RGL2: variants seen among roughly 807,000 people sequenced by gnomAD.
RGL2 encodes the protein ral guanine nucleotide dissociation stimulator-like 2.
RGL2 carries 40 observed loss-of-function variants against 84.6 expected under a neutral mutation model. The observed-to-expected ratio is 0.47, with a 90% confidence interval of 0.37 to 0.62. The LOEUF (loss-of-function observed/expected upper bound fraction) is 0.62. Ranked by LOEUF, RGL2 falls within the 20% of genes least tolerant of loss-of-function variation. The pLI, the probability that RGL2 is intolerant of heterozygous loss-of-function variation, is 0.00. For missense variants in RGL2, 865 were observed against 1,019.7 expected, an observed-to-expected ratio of 0.85 and a Z score of 2.07; for synonymous variants, 369 against 417.3, an observed-to-expected ratio of 0.88 and a Z score of 1.41.
At position 33,296,239 on chromosome 6, in the gene RGL2, T is replaced by C. The variant is rs1767942457; in HGVS notation, c.557A>G (p.Glu186Gly). 3 of 1,613,834 alleles carry C rather than the reference T, an allele frequency of 1.9e-6. No individual in the cohort carries two copies. The highest frequency in any genetic ancestry group is 1.3e-5 in the African/African-American group (1 of 74,924). The stretch of plus-strand genomic sequence containing the variant: ...ATACCCTGTCTGAAGTAAGAAGCTC[T>C]CAAGCCGGTCAAGCTGACCCTTGGC... ...SEAKGQLDRL[E>G]SFLLQTGYAA... Residue 186 changes from glutamate (E) to glycine (G), a missense_variant, in exon 6 of 18, where the codon GAG becomes GGG. Glu to Gly is a moderately conservative substitution (Grantham distance 98). Transcript: ENST00000497454. The surrounding 1 kb of genome is among the most constrained non-coding windows in gnomAD (Gnocchi z 5.0).
Position 33,292,524 on chromosome 6 carries a change from A to G in RGL2, c.2028T>C (p.Ala676=), listed in dbSNP as rs142079539. The part of the protein sequence containing the change: ...KSILVTSQDK[A]PSVISRVLKK... ...TAAGGACACGACTGATGACACTTGG[A>G]GCCTTGTCCTGGCTTGTCACCTGGC... The change falls in exon 17 of 18, where the codon GCT becomes GCC. Residue 676 remains alanine (A), a synonymous_variant. Coordinates refer to ENST00000497454, the MANE Select transcript of RGL2 (RefSeq NM_004761.5). The G allele has an allele frequency of 6.2e-7, 1 of 1,613,970 alleles. No individual in the cohort carries two copies. Among genetic ancestry groups the G allele is most frequent in the Non-Finnish European group, 8.5e-7 (1 of 1,179,998 alleles).
rs370758511 is a variant in RGL2 at position 33,294,757 on chromosome 6, C to T, written c.1284G>A (p.Val428=). Residue 428 remains valine (V), a synonymous_variant, in exon 11 of 18, where the codon GTG becomes GTA. Coordinates refer to ENST00000497454, the MANE Select transcript of RGL2 (RefSeq NM_004761.5). The surrounding 1 kb of genome is among the most constrained non-coding windows in gnomAD (Gnocchi z 5.0). ...TCAGGAAGGTGCCAAGGTATGGGAC[C>T]ACACCCTGAAGTCAGGGGTCAGGGT... ...APRSGSRGGG[V]VPYLGTFLKD... is the part of the protein sequence containing the mutation. 3.0e-5 allele frequency: 49 copies of T among 1,613,996 alleles called. 1 individual carries two copies. In the South Asian group the frequency reaches 3.8e-4, roughly 13 times the overall value.
rs1401662713 is a variant in RGL2 at position 33,293,356 on chromosome 6, A to T, written c.1717-50T>A. The T allele has an allele frequency of 6.3e-7, 1 of 1,583,516 alleles. No homozygotes were observed. Among genetic ancestry groups the T allele is most frequent in the Non-Finnish European group, 8.6e-7 (1 of 1,166,252 alleles). On this transcript the variant is annotated intron_variant, in intron 15 of 17. Coordinates refer to ENST00000497454, the MANE Select transcript of RGL2 (RefSeq NM_004761.5). This position sits in a 1 kb window ranked among gnomAD's most constrained non-coding sequence, Gnocchi z 7.0. The stretch of plus-strand genomic sequence containing the variant: ...GCATGAAGGCAGGGAGGTTTAAGGA[A>T]GAAACATTTACAGAGTGAGGGTCAG...
In RGL2 at chr6:33,295,873, G is replaced by A; in HGVS notation, c.769-114C>T. On this transcript the variant is annotated intron_variant, in intron 6 of 17. Transcript: ENST00000497454. The surrounding 1 kb of genome is among the most constrained non-coding windows in gnomAD (Gnocchi z 7.2). The stretch of plus-strand genomic sequence containing the variant: ...GAACCAGAGGGGCACAGGGTTTGAA[G>A]GGTAACGACCAAAGGGAAAAGGGGA... 6.9e-7 allele frequency: 1 copy of A among 1,453,300 alleles called. No homozygotes were observed. The highest frequency in any genetic ancestry group is 9.5e-7 in the Non-Finnish European group (1 of 1,057,484). The allele number at this position is 1,453,300 out of a possible 1,614,324, so 90.0% of individuals were successfully genotyped here.
In RGL2 at chr6:33,293,342, G is replaced by A; in HGVS notation, c.1717-36C>T. On this transcript the variant is annotated intron_variant, in intron 15 of 17. Coordinates refer to ENST00000497454, the MANE Select transcript of RGL2 (RefSeq NM_004761.5). The surrounding 1 kb of genome is among the most constrained non-coding windows in gnomAD (Gnocchi z 7.0). Reference sequence around the variant, plus strand: ...ACAACATGGGACTGGCATGAAGGCAGGGAGGTTTAAGGAAGAAACATTTAC... The same window carrying A: ...ACAACATGGGACTGGCATGAAGGCAAGGAGGTTTAAGGAAGAAACATTTAC... 1 of 1,574,404 alleles carries A rather than the reference G, an allele frequency of 6.4e-7. No individual in the cohort carries two copies. Among genetic ancestry groups the A allele is most frequent in the Non-Finnish European group, 8.6e-7 (1 of 1,161,504 alleles).
rs2150931574 is a variant in RGL2 at position 33,293,803 on chromosome 6, C to T, written c.1500G>A (p.Glu500=). ...CCTCACCCGCCAGTCACCTCTGAGC[C>T]TCTGTCAGTGGCCGGAGCCCCTGTA... ...RWLQGLRPLT[E]AQSHRVSCEV... Residue 500 remains glutamate, a synonymous_variant, in exon 13 of 18, where the codon GAG becomes GAA. Transcript: ENST00000497454. This position sits in a 1 kb window ranked among gnomAD's most constrained non-coding sequence, Gnocchi z 7.0. The T allele has an allele frequency of 1.2e-6, 2 of 1,614,168 alleles. No individual in the cohort carries two copies. Among genetic ancestry groups the T allele is most frequent in the East Asian group, 4.5e-5 (2 of 44,886 alleles).
chr6:33,296,403 G>A lies in RGL2; in HGVS notation c.470+11C>T, dbSNP rs1360447986. On this transcript the variant is annotated intron_variant, in intron 5 of 17. Transcript: ENST00000497454. This position sits in a 1 kb window ranked among gnomAD's most constrained non-coding sequence, Gnocchi z 5.0. ...AGGGGACTGTGAGATTAAGAACCAG[G>A]GGTCACTCACTCTGTTGTCCTCTCT... The A allele has an allele frequency of 1.2e-6, 2 of 1,610,196 alleles. No homozygotes were observed. Among genetic ancestry groups the A allele is most frequent in the East Asian group, 2.2e-5 (1 of 44,868 alleles).
rs1252666306 is a variant in RGL2 at position 33,293,535 on chromosome 6, A to G, written c.1605-11T>C. The G allele has an allele frequency of 6.2e-7, 1 of 1,613,290 alleles. No individual in the cohort carries two copies. The highest frequency in any genetic ancestry group is 1.1e-5 in the South Asian group (1 of 90,980). ...ACAGAGCCCAAAACCCTGCAGTGGC[A>G]GGAGATTGGGAGGATCAGAGAAAAG... On this transcript the variant is annotated splice_polypyrimidine_tract_variant and intron_variant, in intron 14 of 17. Transcript: ENST00000497454. The surrounding 1 kb of genome is among the most constrained non-coding windows in gnomAD (Gnocchi z 7.0).
Position 33,292,518 on chromosome 6 carries a change from A to C in RGL2, c.2034T>G (p.Ser678Arg). The C allele has an allele frequency of 1.2e-6, 2 of 1,614,152 alleles. No homozygotes were observed. The highest frequency in any genetic ancestry group is 1.7e-6 in the Non-Finnish European group (2 of 1,180,006). The change falls in exon 17 of 18, where the codon AGT (serine) becomes AGG (arginine). Residue 678 changes from serine to arginine, a missense_variant. Ser to Arg is a moderately radical substitution (Grantham distance 110). Coordinates refer to ENST00000497454, the MANE Select transcript of RGL2 (RefSeq NM_004761.5). Reference protein sequence around the residue: ...ILVTSQDKAPSVISRVLKKNN... With the variant: ...ILVTSQDKAPRVISRVLKKNN... ...TTTTCTTAAGGACACGACTGATGACACTTGGAGCCTTGTCCTGGCTTGTCA... is the reference window on the plus strand; with the variant it reads ...TTTTCTTAAGGACACGACTGATGACCCTTGGAGCCTTGTCCTGGCTTGTCA...
At position 33,298,659 on chromosome 6, in the gene RGL2, G is replaced by T; in HGVS notation, c.-41-8C>A. Reference sequence around the variant, plus strand: ...GTCGGGCCATGGGGGCGCCTGGGGAGAGACGGGGTGGGGTGGGGGTGGAGA... The same window carrying T: ...GTCGGGCCATGGGGGCGCCTGGGGATAGACGGGGTGGGGTGGGGGTGGAGA... On this transcript the variant is annotated splice_polypyrimidine_tract_variant and splice_region_variant and intron_variant, in intron 1 of 17. Coordinates refer to ENST00000497454, the MANE Select transcript of RGL2 (RefSeq NM_004761.5). This position sits in a 1 kb window ranked among gnomAD's most constrained non-coding sequence, Gnocchi z 4.8. The T allele has an allele frequency of 1.7e-6, 2 of 1,155,042 alleles. No individual in the cohort carries two copies. The highest frequency in any genetic ancestry group is 2.3e-6 in the Non-Finnish European group (2 of 855,606). The allele number at this position is 1,155,042 out of a possible 1,614,324, so 71.5% of individuals were successfully genotyped here.
At position 33,297,371 on chromosome 6, in the gene RGL2, G is replaced by T; in HGVS notation, c.157-256C>A. 2.2e-6 allele frequency: 1 copy of T among 448,484 alleles called. No individual in the cohort carries two copies. The highest frequency in any genetic ancestry group is 5.5e-5 in the South Asian group (1 of 18,190). 27.8% of individuals were successfully genotyped at this position (448,484 alleles called of 1,614,324 possible). On this transcript the variant is annotated intron_variant, in intron 2 of 17. Transcript: ENST00000497454. The surrounding 1 kb of genome is among the most constrained non-coding windows in gnomAD (Gnocchi z 4.0). ...GCAGTGGAGGCGTGGATGGAGTACA[G>T]GAATTCTGATCCTGGAGACCCCCAA... is the stretch of plus-strand genomic sequence containing the variant.
Position 33,292,409 on chromosome 6 carries a change from CTTT to C in RGL2, c.2122+18_2122+20del, listed in dbSNP as rs149708654. The C allele has an allele frequency of 0.16, 250,508 of 1,612,354 alleles. 20,950 individuals carry two copies. Among genetic ancestry groups the C allele is most frequent in the South Asian group, 0.23 (20,549 of 91,032 alleles). On this transcript the variant is annotated intron_variant, in intron 17 of 17. Coordinates refer to ENST00000497454, the MANE Select transcript of RGL2 (RefSeq NM_004761.5). ...TACTCCACTCTCCTCCCGAGTCTGCCTTTCCCTCATGGCCTCTGACCTCGCTCC... is the reference window on the plus strand; with the variant it reads ...TACTCCACTCTCCTCCCGAGTCTGCCCCCTCATGGCCTCTGACCTCGCTCC...
upstream of RGL2, chr6:33,298,997 T>C: frequency 6.2e-6 from 1 of 161,088 alleles, no homozygotes; most frequent in South Asian, 1.9e-4. The surrounding 1 kb of genome is among the most constrained non-coding windows in gnomAD (Gnocchi z 4.8). Context: ...TCCTGGGCCC[T>C]CCCGCCCTTT....
Position 33,294,941 on chromosome 6 carries a change from ACCACCC to A in RGL2, c.1278+30_1278+35del. ...ACATACTCCTCACCCCTTCATAATC[ACCACCC>A]CCACGCCCACCACCCCGCTAGTCAC... On this transcript the variant is annotated intron_variant, in intron 10 of 17. Coordinates refer to ENST00000497454, the MANE Select transcript of RGL2 (RefSeq NM_004761.5). This position sits in a 1 kb window ranked among gnomAD's most constrained non-coding sequence, Gnocchi z 5.0. 6.5e-7 allele frequency: 1 copy of A among 1,546,760 alleles called. No homozygotes were observed. Among genetic ancestry groups the A allele is most frequent in the Non-Finnish European group, 8.7e-7 (1 of 1,145,288 alleles).
chr6:33,294,192 G>T lies in RGL2; in HGVS notation c.1354-126C>A. The T allele has an allele frequency of 8.7e-7, 1 of 1,147,276 alleles. No individual in the cohort carries two copies. Among genetic ancestry groups the T allele is most frequent in the South Asian group, 1.4e-5 (1 of 69,062 alleles). The allele number at this position is 1,147,276 out of a possible 1,614,324, so 71.1% of individuals were successfully genotyped here. On this transcript the variant is annotated intron_variant, in intron 11 of 17. Transcript: ENST00000497454. The surrounding 1 kb of genome is among the most constrained non-coding windows in gnomAD (Gnocchi z 5.0). ...ACAACCACTTCCCTCCAGCCTCTCT[G>T]ACTCTTCGATCCCTCCCTGCCTTCC...
In RGL2 at chr6:33,298,863, C is replaced by T; in HGVS notation, c.-42+7G>A. On this transcript the variant is annotated splice_region_variant and intron_variant, in intron 1 of 17. Coordinates refer to ENST00000497454, the MANE Select transcript of RGL2 (RefSeq NM_004761.5). This position sits in a 1 kb window ranked among gnomAD's most constrained non-coding sequence, Gnocchi z 4.8. ...TACGGGGACGCGCAGGGTGCTCAGGCTCTGACCTGCTCGGGAGGGGTGGGG... is the reference window on the plus strand; with the variant it reads ...TACGGGGACGCGCAGGGTGCTCAGGTTCTGACCTGCTCGGGAGGGGTGGGG... 1 of 368,126 alleles carries T rather than the reference C, an allele frequency of 2.7e-6. No individual in the cohort carries two copies. The highest frequency in any genetic ancestry group is 4.6e-5 in the Admixed American group (1 of 21,620). 22.8% of individuals were successfully genotyped at this position (368,126 alleles called of 1,614,324 possible). A position where few individuals can be genotyped will look rare whatever the true frequency, so the allele number is the denominator to read the frequency against.
chr6:33,300,264 C>T (rs1768450935), upstream of RGL2: 1 of 153,754 alleles, frequency 6.5e-6, no homozygotes, highest in Non-Finnish European at 1.5e-5. Flanking sequence ...TGGATTTGGC[C>T]CTAGAGTACG....
Position 33,296,817 on chromosome 6 carries a change from C to G in RGL2, c.241-41G>C. On this transcript the variant is annotated intron_variant, in intron 3 of 17. Coordinates refer to ENST00000497454, the MANE Select transcript of RGL2 (RefSeq NM_004761.5). The surrounding 1 kb of genome is among the most constrained non-coding windows in gnomAD (Gnocchi z 5.0). ...AGATGATCGCTAACCCTTTCTCCCA[C>G]TCTGCACCTAGATTTCTGAGGACAA... The G allele has an allele frequency of 6.2e-7, 1 of 1,611,532 alleles. No individual in the cohort carries two copies. Among genetic ancestry groups the G allele is most frequent in the Non-Finnish European group, 8.5e-7 (1 of 1,177,774 alleles).
Position 33,291,889 on chromosome 6 carries a change from T to C in RGL2, c.*213A>G, listed in dbSNP as rs1165857400. Reference sequence around the variant, plus strand: ...GCTGCACTCATGGAAGGTGGGAAGCTATACACAGGTATCCAACTTGGTTAT... The same window carrying C: ...GCTGCACTCATGGAAGGTGGGAAGCCATACACAGGTATCCAACTTGGTTAT... On this transcript the variant is annotated 3_prime_UTR_variant, in exon 18 of 18. Coordinates refer to ENST00000497454, the MANE Select transcript of RGL2 (RefSeq NM_004761.5). 3.3e-6 allele frequency: 2 copies of C among 610,046 alleles called. No homozygotes were observed. Among genetic ancestry groups the C allele is most frequent in the African/African-American group, 3.7e-5 (2 of 54,034 alleles). The allele number at this position is 610,046 out of a possible 1,614,324, so 37.8% of individuals were successfully genotyped here. A position where few individuals can be genotyped will look rare whatever the true frequency, so the allele number is the denominator to read the frequency against.
Sources: gnomAD v4.1 joint callset for allele counts on GRCh38, gnomAD v4.1.1 for gene constraint, Gnocchi (gnomAD v3.1) non-coding constraint, MANE v1.5 for transcripts, NCBI Gene and HGNC (gene_info 2026-07-23, HGNC 2026-07-21) for gene names.